ETAA1: variants seen among roughly 807,000 people sequenced by gnomAD.
ETAA1 encodes ETAA1 activator of ATR kinase.
ETAA1 carries 49 observed loss-of-function variants against 76.8 expected under a neutral mutation model. That is an observed-to-expected ratio of 0.64 (90% CI 0.51 to 0.81). The LOEUF (loss-of-function observed/expected upper bound fraction) is 0.81, where lower values mean the gene tolerates loss of function less well. Among genes scored for constraint, ETAA1 ranks in the 30% least tolerant of loss-of-function variants. The pLI, the probability that ETAA1 is intolerant of heterozygous loss-of-function variation, is 0.00. For synonymous variants in ETAA1, 373 were observed against 372.2 expected, an observed-to-expected ratio of 1.00 and a Z score of -0.03; for missense variants, 1,099 against 1,074.0, an observed-to-expected ratio of 1.02 and a Z score of -0.32.
At chr2:67,408,447 T>A (rs538355822) in intron 5 of ETAA1, among the ~76,000 whole-genome samples, 2 of 152,090 alleles carry the variant, frequency 1.3e-5, no homozygotes, top group Non-Finnish European at 2.9e-5. Context: ...ACATTATCCA[T>A]AACTATTTTT....
chr2:67,401,412 C>T (rs772761469), intron 3 of ETAA1: 2 of 151,790 alleles, frequency 1.3e-5, no homozygotes, highest in East Asian at 1.9e-4. Flanking sequence ...AGTCAGTTCA[C>T]TTTTTGCAGG....
At chr2:67,406,347 C>A (rs1248054982) in intron 5 of ETAA1, among the ~76,000 whole-genome samples, 1 of 152,104 alleles carries the variant, frequency 6.6e-6, no homozygotes, top group Non-Finnish European at 1.5e-5. Flanking sequence ...TTTGTTGGTG[C>A]TTTCTTACAT....
At position 67,405,052 on chromosome 2, in the gene ETAA1, T is replaced by C. The variant is rs377725871; in HGVS notation, c.2370T>C (p.Tyr790=). 5 of 1,611,570 alleles carry C rather than the reference T, an allele frequency of 3.1e-6. No individual in the cohort carries two copies. The highest frequency in any genetic ancestry group is 1.7e-5 in the Admixed American group (1 of 59,616). The part of the protein sequence containing the change: ...SDHMNTEITT[Y]KKKLSTNQPC... ...ATATGAATACAGAAATTACTACTTA[T>C]AAGAAGAAATTGAGTACTAATCAGC... is the stretch of plus-strand genomic sequence containing the variant. The change falls in exon 5 of 6, where the codon TAT becomes TAC. Residue 790 remains tyrosine (Y), a synonymous_variant. Coordinates refer to ENST00000272342, the MANE Select transcript of ETAA1 (RefSeq NM_019002.4).
chr2:67,399,214 C>G lies in ETAA1; in HGVS notation c.269C>G (p.Ser90Ter). Residue 90 changes from serine to a stop codon, truncating the protein, a stop_gained, in exon 2 of 6, where the codon TCA becomes TGA. Coordinates refer to ENST00000272342, the MANE Select transcript of ETAA1 (RefSeq NM_019002.4). LOFTEE classifies it high-confidence loss of function. ...AGAGCGCTGAAAATGGACTCACTGTCATCTTCCTTCAGTTCTCCTAATGAT... is the reference window on the plus strand; with the variant it reads ...AGAGCGCTGAAAATGGACTCACTGTGATCTTCCTTCAGTTCTCCTAATGAT... The part of the protein sequence containing the change: ...PKRALKMDSL[S>*]SSFSSPNDPD... 6.2e-7 allele frequency: 1 copy of G among 1,613,446 alleles called. No homozygotes were observed. Among genetic ancestry groups the G allele is most frequent in the Non-Finnish European group, 8.5e-7 (1 of 1,179,528 alleles).
In ETAA1 at chr2:67,404,302, G is replaced by T. The variant is rs772480532; in HGVS notation, c.1620G>T (p.Gln540His). The T allele has an allele frequency of 6.2e-7, 1 of 1,612,134 alleles. No homozygotes were observed. Among genetic ancestry groups the T allele is most frequent in the Non-Finnish European group, 8.5e-7 (1 of 1,179,202 alleles). Residue 540 changes from glutamine (Q) to histidine (H), a missense_variant, in exon 5 of 6, where the codon CAG becomes CAT. Coordinates refer to ENST00000272342, the MANE Select transcript of ETAA1 (RefSeq NM_019002.4). Reference protein sequence around the residue: ...NEQKNKCILNQSIKAPVNTDL... With the variant: ...NEQKNKCILNHSIKAPVNTDL... ...AGAAAAATAAGTGCATTTTAAATCA[G>T]TCTATTAAAGCCCCTGTTAATACTG...
In ETAA1 at chr2:67,397,486, C is replaced by A. The variant is rs755608941; in HGVS notation, c.38C>A (p.Pro13Gln). Reference protein sequence around the residue: ...RRRKHDDSPSPKKTPHKTVAA... With the variant: ...RRRKHDDSPSQKKTPHKTVAA... ...AGGAAACATGATGACAGCCCTAGCC[C>A]GAAGAAAACGCCGCACAAAACAGTG... The change falls in exon 1 of 6, where the codon CCG (proline) becomes CAG (glutamine). Residue 13 changes from proline to glutamine, a missense_variant. This residue lies in a region of ETAA1 where 761 missense variants were observed against 731.9 expected (regional missense o/e 1.04). Transcript: ENST00000272342. The A allele has an allele frequency of 1.6e-5, 26 of 1,602,856 alleles. No individual in the cohort carries two copies. Among genetic ancestry groups the A allele is most frequent in the Middle Eastern group, 1.7e-4 (1 of 6,038 alleles).
chr2:67,405,940 G>A (rs10185288), intron 5 of ETAA1, among the ~76,000 whole-genome samples: 108,924 of 151,870 alleles, frequency 0.72, 39,282 homozygotes, highest in Middle Eastern at 0.79. Flanking sequence ...CGTATCCCCA[G>A]ACTCCATTTT....
Position 67,409,927 on chromosome 2 carries a change from T to TAGAA in ETAA1, c.2673_2676dup (p.Cys893LysfsTer5). ...AATTTTTAGAGGAAGAAGAGAAAAA[T>TAGAA]AGAAAGTGTTCTCCTGAAGAAATTC... On this transcript the variant is annotated frameshift_variant, in exon 6 of 6. Transcript: ENST00000272342. LOFTEE classifies it high-confidence loss of function. The TAGAA allele has an allele frequency of 6.3e-7, 1 of 1,597,106 alleles. No individual in the cohort carries two copies. Among genetic ancestry groups the TAGAA allele is most frequent in the East Asian group, 2.3e-5 (1 of 44,280 alleles).
intron 1 of ETAA1, among the ~76,000 whole-genome samples, chr2:67,398,450 C>G (rs1675958321): frequency 6.6e-6 from 1 of 152,008 alleles, no homozygotes; most frequent in Admixed American, 6.6e-5. Context: ...ATTCTCCTGC[C>G]TCAGCCTCCC....
intron 1 of ETAA1, among the ~76,000 whole-genome samples, chr2:67,398,156 G>A (rs960600971): frequency 1.3e-5 from 2 of 152,156 alleles, no homozygotes; most frequent in East Asian, 3.8e-4. Flanking sequence ...GGAAGTTCCT[G>A]TGTGTAACAT....
chr2:67,402,923 G>T lies in ETAA1; in HGVS notation c.491G>T (p.Cys164Phe). 6.2e-7 allele frequency: 1 copy of T among 1,607,240 alleles called. No homozygotes were observed. Among genetic ancestry groups the T allele is most frequent in the East Asian group, 2.3e-5 (1 of 44,440 alleles). ...TGGATTGGTGAAACTGCTATTCCTT[G>T]TACTCCCAGTGTAGCAAAAGGAAAA... ...DMWIGETAIP[C>F]TPSVAKGKSR... Residue 164 changes from cysteine to phenylalanine, a missense_variant, in exon 4 of 6, where the codon TGT becomes TTT. Physicochemically the swap from Cys to Phe is radical, Grantham distance 205. This residue lies in a region of ETAA1 where 761 missense variants were observed against 731.9 expected (regional missense o/e 1.04). Transcript: ENST00000272342.
At position 67,411,249 on chromosome 2, in the gene ETAA1, T is replaced by G. The variant is rs1039766823; in HGVS notation, c.*1211T>G. 1 of 152,086 alleles carries G rather than the reference T, an allele frequency of 6.6e-6. No individual in the cohort carries two copies. Among genetic ancestry groups the G allele is most frequent in the South Asian group, 2.1e-4 (1 of 4,832 alleles). 9.4% of individuals were successfully genotyped at this position (152,086 alleles called of 1,614,324 possible). A position where few individuals can be genotyped will look rare whatever the true frequency, so the allele number is the denominator to read the frequency against. Reference sequence around the variant, plus strand: ...GGAGATCTAGAGAAAGTTAGAGATATGAAACACCTGTCATGGTGTGGCATT... The same window carrying G: ...GGAGATCTAGAGAAAGTTAGAGATAGGAAACACCTGTCATGGTGTGGCATT... On this transcript the variant is annotated 3_prime_UTR_variant, in exon 6 of 6. Transcript: ENST00000272342.
At chr2:67,405,598 A>G (rs1676195350) in intron 5 of ETAA1, among the ~76,000 whole-genome samples, 1 of 152,032 alleles carries the variant, frequency 6.6e-6, no homozygotes. Context: ...GTAGGTACTC[A>G]GTAAATATTT....
At chr2:67,405,420 A>G (rs1186623885) in intron 5 of ETAA1, 85 bp downstream of exon 5, 3 of 1,066,014 alleles carry the variant, frequency 2.8e-6, no homozygotes, top group Non-Finnish European at 2.6e-6. Context: ...GAGTGTGAGT[A>G]ATGTATAAGG....
intron 3 of ETAA1, 32 bp downstream of exon 3, chr2:67,399,658 A>C: frequency 6.9e-7 from 1 of 1,448,114 alleles, no homozygotes; most frequent in Non-Finnish European, 9.6e-7. Flanking sequence ...GTTTGTTTTA[A>C]AACAGTGAAG....
intron 5 of ETAA1, among the ~76,000 whole-genome samples, chr2:67,407,246 T>TAA (rs71395915): frequency 4.4e-4 from 45 of 102,294 alleles, no homozygotes; most frequent in African/African-American, 6.3e-4. Flanking sequence ...GCTGATGAAC[T>TAA]AAAAAAAAAA....
At chr2:67,399,836 A>G (rs1676003286) in intron 3 of ETAA1, among the ~76,000 whole-genome samples, 1 of 152,180 alleles carries the variant, frequency 6.6e-6, no homozygotes, top group East Asian at 1.9e-4. Context: ...TTTCTTAAGT[A>G]TATATCTTGT....
chr2:67,408,111 A>G (rs949311261), intron 5 of ETAA1, among the ~76,000 whole-genome samples: 3 of 152,112 alleles, frequency 2.0e-5, no homozygotes, highest in Non-Finnish European at 4.4e-5. Flanking sequence ...CTTAATTACT[A>G]TTAACTTTGT....
intron 3 of ETAA1, chr2:67,402,299 C>G (rs1402298789): frequency 1.3e-5 from 2 of 151,822 alleles, no homozygotes; most frequent in Non-Finnish European, 3.0e-5. Flanking sequence ...AGCATCAGTT[C>G]TAACCTTGCT....
Sources: allele counts gnomAD v4.1 joint callset (sites outside exome capture counted in the v4.1 genomes callset), GRCh38; gene constraint gnomAD v4.1.1; regional missense constraint gnomAD v4.1.1; transcripts MANE v1.5; gene names NCBI Gene and HGNC (gene_info 2026-07-23, HGNC 2026-07-21).